Variants in PTPRG observed in about 807,000 individuals in gnomAD.
The protein encoded by PTPRG is receptor-type tyrosine-protein phosphatase gamma.
Under a neutral mutation model 165.3 loss-of-function variants are expected in PTPRG, and 102 were observed. The observed-to-expected ratio is 0.62, with a 90% CI of 0.53 to 0.73. PTPRG has a LOEUF of 0.73. Ranked by LOEUF, PTPRG falls within the 30% of genes least tolerant of loss-of-function variation. The probability of loss-of-function intolerance (pLI) is 0.00; values close to 1 mark genes in which losing one functional copy is unlikely to be tolerated. For missense variants in PTPRG, 1,866 were observed against 1,861.4 expected (o/e 1.00, Z -0.05); for synonymous variants, 675 against 669.5 (o/e 1.01, Z -0.13).
At chr3:61,810,393 G>C (rs1323131969) in intron 2 of PTPRG, among the ~76,000 whole-genome samples, 1 of 152,176 alleles carries the variant, frequency 6.6e-6, no homozygotes, top group Non-Finnish European at 1.5e-5. Context: ...AAAACCCTAA[G>C]AATCTGAGGT....
At chr3:61,646,812 A>G (rs1702213841) in intron 1 of PTPRG, among the ~76,000 whole-genome samples, 1 of 152,170 alleles carries the variant, frequency 6.6e-6, no homozygotes. Flanking sequence ...CCACATCCCT[A>G]ACCTCTAGCA....
chr3:61,897,835 T>A (rs188791316), intron 2 of PTPRG, among the ~76,000 whole-genome samples: 198 of 152,310 alleles, frequency 1.3e-3, no homozygotes, highest in Non-Finnish European at 2.1e-3. Flanking sequence ...TTATAAATGG[T>A]ATTTTTGTTC....
intron 2 of PTPRG, among the ~76,000 whole-genome samples, chr3:61,922,137 C>T (rs1394704558): frequency 6.6e-6 from 1 of 152,174 alleles, no homozygotes; most frequent in African/African-American, 2.4e-5. Flanking sequence ...GTGATCTGCC[C>T]TGAGGATTCC....
At chr3:61,941,377 C>T (rs1056853054) in intron 2 of PTPRG, among the ~76,000 whole-genome samples, 6 of 152,252 alleles carry the variant, frequency 3.9e-5, no homozygotes, top group African/African-American at 9.6e-5. Flanking sequence ...GTAATCCCAG[C>T]GCTTTGGGAG....
At chr3:62,010,720 G>C (rs2041401762) in intron 4 of PTPRG, among the ~76,000 whole-genome samples, 1 of 152,124 alleles carries the variant, frequency 6.6e-6, no homozygotes, top group Non-Finnish European at 1.5e-5. Flanking sequence ...CAATTTTTTA[G>C]CATCTTTATG....
At chr3:62,169,867 A>C (rs1449622229) in intron 8 of PTPRG, among the ~76,000 whole-genome samples, 1 of 152,134 alleles carries the variant, frequency 6.6e-6, no homozygotes, top group Non-Finnish European at 1.5e-5. Context: ...GTTTATTGGC[A>C]TATGGACTTT....
intron 2 of PTPRG, among the ~76,000 whole-genome samples, chr3:61,772,772 A>G (rs550510820): frequency 2.6e-5 from 4 of 152,338 alleles, no homozygotes; most frequent in African/African-American, 9.6e-5. Flanking sequence ...TCACACTACC[A>G]AAGCACTGCA....
At chr3:61,859,341 A>G (rs2037196785) in intron 2 of PTPRG, among the ~76,000 whole-genome samples, 1 of 152,198 alleles carries the variant, frequency 6.6e-6, no homozygotes, top group Non-Finnish European at 1.5e-5. Flanking sequence ...AAGGAGGATT[A>G]TTAAATAGTT....
At chr3:62,260,230 T>A (rs1454723177) in intron 16 of PTPRG, among the ~76,000 whole-genome samples, 1 of 152,204 alleles carries the variant, frequency 6.6e-6, no homozygotes, top group Non-Finnish European at 1.5e-5. Context: ...TACCCCTACT[T>A]GGTGTAATAC....
At chr3:61,956,245 T>G (rs986491476) in intron 2 of PTPRG, among the ~76,000 whole-genome samples, 2 of 151,608 alleles carry the variant, frequency 1.3e-5, no homozygotes, top group Admixed American at 1.3e-4. Flanking sequence ...TATGTCCCCA[T>G]AACAGCCAGT....
rs1293514033 is a variant in PTPRG at position 62,240,930 on chromosome 3, G to C, written c.2376-2877G>C. On this transcript the variant is annotated intron_variant, in intron 14 of 29. Coordinates refer to ENST00000474889, the MANE Select transcript of PTPRG (RefSeq NM_002841.4). This position sits in a 1 kb window ranked among gnomAD's most constrained non-coding sequence, Gnocchi z 5.1. ...CTTGTTGTGGATTTTTCCCCATGAA[G>C]ACATAAATACTAGGAGAGTAGGTGC... Among the ~76,000 whole-genome samples the C allele has an allele frequency of 6.6e-6, 1 of 152,130 alleles. No individual in the cohort carries two copies. The highest frequency in any genetic ancestry group is 2.4e-5 in the African/African-American group (1 of 41,408).
intron 1 of PTPRG, among the ~76,000 whole-genome samples, chr3:61,734,562 C>G (rs2032644782): frequency 6.6e-6 from 1 of 152,102 alleles, no homozygotes; most frequent in South Asian, 2.1e-4. Context: ...CCCGGTTGTC[C>G]CAATTTGTTC....
intron 1 of PTPRG, among the ~76,000 whole-genome samples, chr3:61,690,760 A>G (rs550546752): frequency 6.6e-6 from 1 of 152,296 alleles, no homozygotes; most frequent in East Asian, 1.9e-4. Context: ...GTATTTAGCC[A>G]GAAACAAAGC....
intron 2 of PTPRG, among the ~76,000 whole-genome samples, chr3:61,849,944 A>G (rs1174385836): frequency 1.3e-5 from 2 of 152,114 alleles, no homozygotes; most frequent in African/African-American, 4.8e-5. Flanking sequence ...TTGATTTTTA[A>G]TTATTCTAAG....
At chr3:61,772,571 C>T (rs954375768) in intron 2 of PTPRG, among the ~76,000 whole-genome samples, 1 of 152,030 alleles carries the variant, frequency 6.6e-6, no homozygotes, top group African/African-American at 2.4e-5. Context: ...TGTACATACA[C>T]TCTTTTCTTT....
intron 14 of PTPRG, among the ~76,000 whole-genome samples, chr3:62,241,877 A>C (rs1261327673): frequency 6.6e-6 from 1 of 152,150 alleles, no homozygotes; most frequent in East Asian, 1.9e-4. Flanking sequence ...TATTTGGGCT[A>C]TTAAGTAGTT....
At chr3:61,702,688 C>T (rs145133572) in intron 1 of PTPRG, among the ~76,000 whole-genome samples, 4 of 152,218 alleles carry the variant, frequency 2.6e-5, no homozygotes, top group Non-Finnish European at 5.9e-5. Flanking sequence ...CCCAACCCCC[C>T]ACCAGGTAAC....
At position 61,969,047 on chromosome 3, in the gene PTPRG, A is replaced by G. The variant is rs142899417; in HGVS notation, c.191-20578A>G. Among the ~76,000 whole-genome samples the G allele has an allele frequency of 3.9e-3, 591 of 152,316 alleles. 3 individuals are homozygous for G. Among genetic ancestry groups the G allele is most frequent in the Non-Finnish European group, 6.4e-3 (437 of 68,034 alleles). ...AGAATTTGTACTCCTACTCCATGTG[A>G]GTTAAGTCCTGCATGTATCAGTTTA... is the stretch of plus-strand genomic sequence containing the variant. On this transcript the variant is annotated intron_variant, in intron 2 of 29. Transcript: ENST00000474889.
intron 4 of PTPRG, among the ~76,000 whole-genome samples, chr3:62,076,148 A>G (rs1055927698): frequency 6.6e-6 from 1 of 152,008 alleles, no homozygotes; most frequent in East Asian, 1.9e-4. Flanking sequence ...CTAGCCCGAT[A>G]TGGTGGTGTA....
Sources: allele counts gnomAD v4.1 joint callset (sites outside exome capture counted in the v4.1 genomes callset), GRCh38; gene constraint gnomAD v4.1.1; non-coding constraint Gnocchi (gnomAD v3.1); transcripts MANE v1.5; gene names NCBI Gene and HGNC (gene_info 2026-07-23, HGNC 2026-07-21).